UBN2: variants seen among roughly 807,000 people sequenced by gnomAD.
UBN2 encodes the protein ubinuclein-2.
In UBN2, 35 loss-of-function variants were observed where a neutral mutation model predicts 120.2. The observed-to-expected ratio is 0.29, with a 90% CI of 0.22 to 0.39. The LOEUF is 0.39. Among genes scored for constraint, UBN2 ranks in the 10% least tolerant of loss-of-function variants. The pLI, the probability that UBN2 is intolerant of heterozygous loss-of-function variation, is 1.00. For missense variants in UBN2, 1,693 were observed against 1,663.2 expected (o/e 1.02, Z -0.31); for synonymous variants, 661 against 648.7 (o/e 1.02, Z -0.29).
intron 2 of UBN2, among the ~76,000 whole-genome samples, chr7:139,247,155 GA>G (rs79565227): frequency 0.016 from 2,175 of 136,480 alleles, 47 homozygotes; most frequent in African/African-American, 0.054. Flanking sequence ...AGCTTTAAAG[GA>G]AAAAAAAAAA....
chr7:139,253,895 A>G (rs1796687364), intron 3 of UBN2, among the ~76,000 whole-genome samples: 1 of 152,232 alleles, frequency 6.6e-6, no homozygotes, highest in Non-Finnish European at 1.5e-5. Context: ...CTGTTGCTAC[A>G]GTGCTTGCTT....
chr7:139,311,985 A>G (rs1379674360), downstream of UBN2, among the ~76,000 whole-genome samples: 1 of 152,150 alleles, frequency 6.6e-6, no homozygotes, highest in East Asian at 1.9e-4. Flanking sequence ...CTCTCTTTCT[A>G]TAGTCAAATG....
chr7:139,315,277 T>G, the UBN2 span: 1 of 152,130 alleles, frequency 6.6e-6, no homozygotes, highest in African/African-American at 2.4e-5. Flanking sequence ...GCCCGGGAGA[T>G]ATAATATTTT....
At position 139,308,031 on chromosome 7, in the gene UBN2, T is replaced by G. The variant is rs553210954; in HGVS notation, c.*10195T>G. On this transcript the variant is annotated 3_prime_UTR_variant, in exon 18 of 18. Coordinates refer to ENST00000473989, the MANE Select transcript of UBN2 (RefSeq NM_173569.4). ...TCAGTGCAGGGATTTTTGTGTTTTT[T>G]TTTTTTTTTTAATTTTTTTGCAACA... 37 of 152,036 alleles carry G rather than the reference T, an allele frequency of 2.4e-4. No homozygotes were observed. Among genetic ancestry groups the G allele is most frequent in the East Asian group, 1.4e-3 (7 of 5,180 alleles). The allele number at this position is 152,036 out of a possible 1,614,324, so 9.4% of individuals were successfully genotyped here.
chr7:139,291,129 G>C (rs1357443081), intron 15 of UBN2, among the ~76,000 whole-genome samples: 1 of 152,050 alleles, frequency 6.6e-6, no homozygotes, highest in African/African-American at 2.4e-5. Flanking sequence ...GGGAGGCTGA[G>C]GCAGGCGGAT....
downstream of UBN2, among the ~76,000 whole-genome samples, chr7:139,309,173 A>G (rs17160863): frequency 0.051 from 7,744 of 152,336 alleles, 358 homozygotes; most frequent in African/African-American, 0.12. Context: ...TGCATAGAAA[A>G]TATCAAAAAG....
chr7:139,254,953 G>A (rs892932628), intron 3 of UBN2, among the ~76,000 whole-genome samples: 2 of 152,176 alleles, frequency 1.3e-5, no homozygotes, highest in South Asian at 4.1e-4. Flanking sequence ...ACACATCATT[G>A]TCACCGAAGT....
Position 139,231,408 on chromosome 7 carries a change from G to A in UBN2, c.-77G>A. On this transcript the variant is annotated 5_prime_UTR_variant, in exon 1 of 18. Transcript: ENST00000473989. The stretch of plus-strand genomic sequence containing the variant: ...GAAGAAAAGCGACAGAGAGCAAGAG[G>A]AAGGGCGGGCAGGCACGCAGCGCGC... The A allele has an allele frequency of 8.6e-7, 1 of 1,164,262 alleles. No individual in the cohort carries two copies. Among genetic ancestry groups the A allele is most frequent in the Non-Finnish European group, 1.1e-6 (1 of 913,730 alleles). The allele number at this position is 1,164,262 out of a possible 1,614,324, so 72.1% of individuals were successfully genotyped here.
chr7:139,324,829 G>C, the UBN2 span, among the ~76,000 whole-genome samples: 1 of 151,916 alleles, frequency 6.6e-6, no homozygotes, highest in Non-Finnish European at 1.5e-5. Context: ...AAATTAGCCC[G>C]GTGCAGTGGT....
intron 17 of UBN2, among the ~76,000 whole-genome samples, chr7:139,295,021 T>G (rs1798070215): frequency 6.6e-6 from 1 of 152,118 alleles, no homozygotes; most frequent in African/African-American, 2.4e-5. Flanking sequence ...AAGCCCATTT[T>G]CAGGATCTTT....
chr7:139,320,855 CAA>C, the UBN2 span, among the ~76,000 whole-genome samples: 5 of 90,306 alleles, frequency 5.5e-5, no homozygotes, highest in African/African-American at 3.8e-5. Flanking sequence ...GACTCCGTCT[CAA>C]AAAAAAAAAA....
chr7:139,262,190 A>G (rs965615779), intron 6 of UBN2, among the ~76,000 whole-genome samples: 6 of 151,954 alleles, frequency 3.9e-5, no homozygotes, highest in Admixed American at 6.6e-5. Flanking sequence ...ACTTCTGCCT[A>G]TTAGGTTCAA....
At chr7:139,266,308 A>C in intron 6 of UBN2, 25 bp from the exon 7 acceptor site, 3 of 1,482,834 alleles carry the variant, frequency 2.0e-6, no homozygotes, top group Non-Finnish European at 2.8e-6. Context: ...ATTTTGATTT[A>C]TTATCATCTT....
chr7:139,315,017 C>T, the UBN2 span, among the ~76,000 whole-genome samples: 11 of 151,580 alleles, frequency 7.3e-5, no homozygotes, highest in Non-Finnish European at 1.0e-4. Context: ...GCTCTGTCGC[C>T]CATGCTGGAG....
intron 2 of UBN2, among the ~76,000 whole-genome samples, chr7:139,240,457 T>A (rs867790358): frequency 0.012 from 1,738 of 142,846 alleles, 13 homozygotes; most frequent in East Asian, 0.035. Context: ...TATATATATT[T>A]TTTTTTTTAA....
At chr7:139,330,181 C>G in the UBN2 span, among the ~76,000 whole-genome samples, 1 of 152,196 alleles carries the variant, frequency 6.6e-6, no homozygotes, top group African/African-American at 2.4e-5. Context: ...CTATTTGCTT[C>G]AAATGTACAT....
chr7:139,287,342 T>TA (rs1472543315), intron 15 of UBN2, among the ~76,000 whole-genome samples: 1 of 152,184 alleles, frequency 6.6e-6, no homozygotes, highest in African/African-American at 2.4e-5. Flanking sequence ...ATCAATTTTA[T>TA]AAAAAATTGG....
In UBN2 at chr7:139,293,339, C is replaced by T. The variant is rs767337279; in HGVS notation, c.3777C>T (p.Gly1259=). 8.1e-6 allele frequency: 13 copies of T among 1,614,144 alleles called. No individual in the cohort carries two copies. The Middle Eastern group carries it at 4.9e-4, about 61-fold the overall frequency. Reference sequence around the variant, plus strand: ...TGACTCCTTTTGGGATGCTGGGTGGCCTTGTTCCAGTGACCATGCCCTTCC... The same window carrying T: ...TGACTCCTTTTGGGATGCTGGGTGGTCTTGTTCCAGTGACCATGCCCTTCC... ...QNVTPFGMLG[G]LVPVTMPFQF... The change falls in exon 16 of 18, where the codon GGC becomes GGT. Residue 1259 remains glycine (G), a synonymous_variant. Coordinates refer to ENST00000473989, the MANE Select transcript of UBN2 (RefSeq NM_173569.4).
Position 139,283,674 on chromosome 7 carries a change from A to G in UBN2, c.2769A>G (p.Leu923=), listed in dbSNP as rs374145333. The G allele has an allele frequency of 2.4e-4, 386 of 1,613,990 alleles. No individual in the cohort carries two copies. The highest frequency in any genetic ancestry group is 3.0e-4 in the Non-Finnish European group (359 of 1,180,030). Residue 923 remains leucine, a synonymous_variant, in exon 15 of 18, where the codon TTA becomes TTG. Coordinates refer to ENST00000473989, the MANE Select transcript of UBN2 (RefSeq NM_173569.4). ...CCGAGGCCCAAGATGCTTCTTCGTT[A>G]ACACAAGTAACAAAGGTGCACCAGC... ...GTSEAQDASS[L]TQVTKVHQHS...
Sources: gnomAD v4.1 joint callset for allele counts (sites outside exome capture counted in the v4.1 genomes callset) on GRCh38, gnomAD v4.1.1 for gene constraint, MANE v1.5 for transcripts, NCBI Gene and HGNC (gene_info 2026-07-23, HGNC 2026-07-21) for gene names.